The following PPP1R12B variants were observed in gnomAD, a reference collection of about 807,000 sequenced individuals.
PPP1R12B encodes the protein myosin phosphatase target subunit 2.
Under a neutral mutation model 126.1 loss-of-function variants are expected in PPP1R12B, and 76 were observed. That is an observed-to-expected ratio of 0.60 (90% confidence interval 0.50 to 0.73). The LOEUF (loss-of-function observed/expected upper bound fraction) is 0.73, where lower values mean the gene tolerates loss of function less well. Among genes scored for constraint, PPP1R12B ranks in the 30% least tolerant of loss-of-function variants. PPP1R12B has a pLI of 0.00. For synonymous variants in PPP1R12B, 356 were observed against 434.7 expected (o/e 0.82, Z 2.25); for missense variants, 1,052 against 1,205.1 (o/e 0.87, Z 1.88).
chr1:202,475,213 T>C (rs951086895), intron 13 of PPP1R12B, among the ~76,000 whole-genome samples: 1 of 152,232 alleles, frequency 6.6e-6, no homozygotes, highest in African/African-American at 2.4e-5. Flanking sequence ...AAGGAAAATT[T>C]GAACTAAAAT....
chr1:202,532,607 T>A (rs1469309832), intron 18 of PPP1R12B, among the ~76,000 whole-genome samples: 3 of 152,158 alleles, frequency 2.0e-5, no homozygotes, highest in African/African-American at 7.2e-5. Context: ...TCATTGTACC[T>A]TCAGCCCAAG....
In PPP1R12B at chr1:202,420,670, A is replaced by G. The variant is rs540485932; in HGVS notation, c.423-1950A>G. 1.1e-4 allele frequency among the ~76,000 whole-genome samples: 17 copies of G among 152,294 alleles called. No homozygotes were observed. In the South Asian group the frequency reaches 3.5e-3, roughly 32 times the overall value. On this transcript the variant is annotated intron_variant, in intron 2 of 23. Transcript: ENST00000608999. ...AGGAATCAGAAGAGAGGAGCTGTTGAATATGTGGAAATGAAGGGTAATTTA... is the reference window on the plus strand; with the variant it reads ...AGGAATCAGAAGAGAGGAGCTGTTGGATATGTGGAAATGAAGGGTAATTTA...
At chr1:202,445,712 T>C (rs993949187) in intron 12 of PPP1R12B, among the ~76,000 whole-genome samples, 3 of 152,198 alleles carry the variant, frequency 2.0e-5, no homozygotes, top group Non-Finnish European at 2.9e-5. Flanking sequence ...TGAGAGTATT[T>C]TGCTGGAAAC....
chr1:202,373,510 G>A (rs929654633), intron 1 of PPP1R12B, among the ~76,000 whole-genome samples: 11 of 152,136 alleles, frequency 7.2e-5, no homozygotes, highest in Non-Finnish European at 1.2e-4. Flanking sequence ...GTGAGCTAGG[G>A]GGGTCCATCT....
chr1:202,374,831 A>C (rs997033549), intron 1 of PPP1R12B, among the ~76,000 whole-genome samples: 1 of 152,080 alleles, frequency 6.6e-6, no homozygotes, highest in Non-Finnish European at 1.5e-5. Flanking sequence ...GGCGTGAGCC[A>C]CCGTGCCCTG....
chr1:202,566,788 T>A (rs1329499574), intron 21 of PPP1R12B, among the ~76,000 whole-genome samples: 1 of 152,190 alleles, frequency 6.6e-6, no homozygotes, highest in Non-Finnish European at 1.5e-5. Flanking sequence ...TATTGTTAGT[T>A]CTGGCCATTC....
intron 10 of PPP1R12B, chr1:202,439,124 G>GAGC: frequency 6.4e-7 from 1 of 1,574,358 alleles, no homozygotes; most frequent in Non-Finnish European, 8.7e-7. Flanking sequence ...CGAGGAGGAG[G>GAGC]AGCAGCTCCT....
At chr1:202,444,456 T>C (rs1340876510) in intron 12 of PPP1R12B, among the ~76,000 whole-genome samples, 3 of 152,194 alleles carry the variant, frequency 2.0e-5, no homozygotes, top group African/African-American at 7.2e-5. Context: ...TAAAACTAAA[T>C]CCTCCCAGAG....
chr1:202,425,161 T>G (rs1460803843), intron 3 of PPP1R12B, among the ~76,000 whole-genome samples: 2 of 152,214 alleles, frequency 1.3e-5, no homozygotes, highest in Non-Finnish European at 2.9e-5. Context: ...TATTTCCTCA[T>G]CTGTTAAATG....
intron 10 of PPP1R12B, chr1:202,439,462 G>A: frequency 7.0e-7 from 1 of 1,433,666 alleles, no homozygotes; most frequent in Non-Finnish European, 9.7e-7. Context: ...CCCGCCAAGT[G>A]CCCCGGCAAG....
At chr1:202,516,624 G>A (rs1178823194) in intron 18 of PPP1R12B, among the ~76,000 whole-genome samples, 4 of 151,490 alleles carry the variant, frequency 2.6e-5, no homozygotes, top group Non-Finnish European at 4.4e-5. Flanking sequence ...ATAGTTTGCC[G>A]TTAAAAAAAA....
intron 4 of PPP1R12B, among the ~76,000 whole-genome samples, chr1:202,426,148 C>G (rs1669470826): frequency 6.6e-6 from 1 of 152,186 alleles, no homozygotes; most frequent in Admixed American, 6.6e-5. Flanking sequence ...ACAGGATAGC[C>G]AAACTTATAT....
chr1:202,536,565 C>CTTAGGCTGTTAATAGTACACTACTATAG (rs1173349913), intron 18 of PPP1R12B, among the ~76,000 whole-genome samples: 1 of 152,206 alleles, frequency 6.6e-6, no homozygotes, highest in African/African-American at 2.4e-5. Flanking sequence ...AGACTATTAA[C>CTTAGGCTGTTAATAGTACACTACTATAG]ACTGTGCACT....
chr1:202,525,529 G>C (rs1287521638), intron 18 of PPP1R12B, among the ~76,000 whole-genome samples: 2 of 151,830 alleles, frequency 1.3e-5, no homozygotes, highest in Non-Finnish European at 2.9e-5. Flanking sequence ...CGAATAGTGG[G>C]ACAGAAAGCC....
intron 18 of PPP1R12B, among the ~76,000 whole-genome samples, chr1:202,539,575 G>A (rs1684897178): frequency 6.6e-6 from 1 of 152,108 alleles, no homozygotes; most frequent in Non-Finnish European, 1.5e-5. Context: ...TGTTTTTTAA[G>A]TTGTTTGACC....
chr1:202,423,339 T>C (rs1669065205), intron 3 of PPP1R12B, among the ~76,000 whole-genome samples: 1 of 152,128 alleles, frequency 6.6e-6, no homozygotes, highest in South Asian at 2.1e-4. Context: ...ACAAGATTTG[T>C]AGTGATTTTT....
chr1:202,493,394 T>C (rs905339135), intron 15 of PPP1R12B, 77 bp downstream of exon 15: 40 of 1,431,010 alleles, frequency 2.8e-5, no homozygotes, highest in Middle Eastern at 2.5e-4. Context: ...TCACTGGTAG[T>C]TCAAAGGCTG....
At position 202,589,429 on chromosome 1, in the gene PPP1R12B, AAGC is replaced by A. The variant is rs912265345; in HGVS notation, c.*8878_*8880del. 2.0e-4 allele frequency: 30 copies of A among 152,360 alleles called. No individual in the cohort carries two copies. Among genetic ancestry groups the A allele is most frequent in the African/African-American group, 7.0e-4 (29 of 41,588 alleles). The allele number at this position is 152,360 out of a possible 1,614,324, so 9.4% of individuals were successfully genotyped here. A position where few individuals can be genotyped will look rare whatever the true frequency, so the allele number is the denominator to read the frequency against. ...GATGTCACCCAGCTGTTTGTAACCC[AAGC>A]AGCAGCAGAACAAGCACACTTGATG... is the stretch of plus-strand genomic sequence containing the variant. On this transcript the variant is annotated 3_prime_UTR_variant, in exon 24 of 24. Coordinates refer to ENST00000608999, the MANE Select transcript of PPP1R12B (RefSeq NM_002481.4).
At chr1:202,464,225 ATTCTGAGC>A (rs1674690498) in intron 13 of PPP1R12B, among the ~76,000 whole-genome samples, 2 of 152,174 alleles carry the variant, frequency 1.3e-5, no homozygotes, top group Non-Finnish European at 2.9e-5. Context: ...TCATTACTAC[ATTCTGAGC>A]TTCTTTAGGG....
Sources: gnomAD v4.1 joint callset for allele counts (sites outside exome capture counted in the v4.1 genomes callset) on GRCh38, gnomAD v4.1.1 for gene constraint, MANE v1.5 for transcripts, NCBI Gene and HGNC (gene_info 2026-07-23, HGNC 2026-07-21) for gene names.